Variants in GRIK3 observed in about 807,000 individuals in gnomAD.
The protein encoded by GRIK3 is glutamate receptor ionotropic, kainate 3.
A neutral mutation model predicts 102.5 loss-of-function variants in GRIK3; 29 were observed. The observed-to-expected ratio is 0.28, with a 90% CI of 0.21 to 0.39. GRIK3 has a LOEUF of 0.39. Among genes scored for constraint, GRIK3 ranks in the 10% least tolerant of loss-of-function variants. The pLI is 1.00. For missense variants in GRIK3, 908 were observed against 1,252.4 expected (o/e 0.73, Z 4.15); for synonymous variants, 511 against 504.9 (o/e 1.01, Z -0.16).
At chr1:36,988,811 T>C (rs1364926239) in intron 1 of GRIK3, among the ~76,000 whole-genome samples, 1 of 152,202 alleles carries the variant, frequency 6.6e-6, no homozygotes, top group African/African-American at 2.4e-5. Flanking sequence ...AAGAGAGTCC[T>C]TGACAACTCT....
chr1:36,853,500 G>C (rs894921408), intron 8 of GRIK3, 115 bp downstream of exon 8: 1 of 682,412 alleles, frequency 1.5e-6, no homozygotes, highest in East Asian at 2.6e-5. Context: ...AATCCCTGAG[G>C]GGCAGCTGGA....
intron 1 of GRIK3, among the ~76,000 whole-genome samples, chr1:36,967,466 A>G (rs1642092827): frequency 6.6e-6 from 1 of 152,274 alleles, no homozygotes; most frequent in Non-Finnish European, 1.5e-5. Context: ...ATGAGGGAGC[A>G]AGACTCATGG....
intron 1 of GRIK3, among the ~76,000 whole-genome samples, chr1:37,009,840 C>T (rs1264906197): frequency 6.6e-6 from 1 of 151,994 alleles, no homozygotes; most frequent in Non-Finnish European, 1.5e-5. Flanking sequence ...TGGCCCCTGG[C>T]TGACAGCGAC....
chr1:36,982,352 G>A (rs1032856660), intron 1 of GRIK3, among the ~76,000 whole-genome samples: 3 of 152,182 alleles, frequency 2.0e-5, no homozygotes, highest in South Asian at 2.1e-4. Flanking sequence ...TGGAGGAGGC[G>A]GCCCTGCTTG....
chr1:36,898,936 A>G (rs1356251887), intron 1 of GRIK3, among the ~76,000 whole-genome samples: 1 of 152,326 alleles, frequency 6.6e-6, no homozygotes, highest in South Asian at 2.1e-4. Flanking sequence ...TGGGGAAAGG[A>G]TAGTCTTTTC....
intron 5 of GRIK3, among the ~76,000 whole-genome samples, chr1:36,867,462 G>T (rs1455129644): frequency 6.6e-6 from 1 of 152,072 alleles, no homozygotes; most frequent in Non-Finnish European, 1.5e-5. Context: ...ATAGCTAAAT[G>T]CTCCCAGGGT....
intron 1 of GRIK3, among the ~76,000 whole-genome samples, chr1:36,972,567 C>A (rs545884786): frequency 6.6e-6 from 1 of 152,166 alleles, no homozygotes; most frequent in South Asian, 2.1e-4. Context: ...CACTCTTATT[C>A]CCCTTTCCCT....
chr1:36,868,574 G>A (rs1355849093), intron 5 of GRIK3, among the ~76,000 whole-genome samples: 5 of 152,180 alleles, frequency 3.3e-5, no homozygotes, highest in African/African-American at 9.7e-5. Context: ...TTGTGTAAGC[G>A]TTCCCGTCAC....
Position 36,806,388 on chromosome 1 carries a change from C to A in GRIK3, c.2092-62G>T. 2.0e-6 allele frequency: 2 copies of A among 1,019,310 alleles called. No individual in the cohort carries two copies. 63.1% of individuals were successfully genotyped at this position (1,019,310 alleles called of 1,614,324 possible). A position where few individuals can be genotyped will look rare whatever the true frequency, so the allele number is the denominator to read the frequency against. On this transcript the variant is annotated intron_variant, in intron 13 of 15. Coordinates refer to ENST00000373091, the MANE Select transcript of GRIK3 (RefSeq NM_000831.4). This position sits in a 1 kb window ranked among gnomAD's most constrained non-coding sequence, Gnocchi z 4.0. ...ACTAGGCGCACCAGGGACCAAGCAC[C>A]GCATACCCTGCACAACGTGGGTTGG...
At chr1:36,933,855 G>T (rs1641623859) in intron 1 of GRIK3, among the ~76,000 whole-genome samples, 1 of 152,146 alleles carries the variant, frequency 6.6e-6, no homozygotes, top group African/African-American at 2.4e-5. Flanking sequence ...GAACCTCACT[G>T]CCCTCTCTTC....
chr1:37,000,135 T>C (rs1016756165), intron 1 of GRIK3, among the ~76,000 whole-genome samples: 22 of 152,246 alleles, frequency 1.4e-4, no homozygotes, highest in African/African-American at 4.8e-4. Context: ...GTTCCCTCCC[T>C]AATGCCTGGA....
intron 1 of GRIK3, among the ~76,000 whole-genome samples, chr1:36,918,439 C>A (rs114920495): frequency 6.6e-6 from 1 of 152,216 alleles, no homozygotes; most frequent in Non-Finnish European, 1.5e-5. Flanking sequence ...TTGCTCATGA[C>A]ATTACATTTA....
intron 5 of GRIK3, among the ~76,000 whole-genome samples, chr1:36,863,443 T>G (rs1272116194): frequency 6.6e-6 from 1 of 152,138 alleles, no homozygotes; most frequent in Non-Finnish European, 1.5e-5. Flanking sequence ...TTTCCAAAGC[T>G]CTCCACCCCT....
At chr1:36,909,522 A>T (rs1486235816) in intron 1 of GRIK3, among the ~76,000 whole-genome samples, 1 of 152,110 alleles carries the variant, frequency 6.6e-6, no homozygotes, top group Admixed American at 6.5e-5. Context: ...GCTGATTTCG[A>T]ACTCTTGACC....
At chr1:36,949,207 C>A (rs1481691578) in intron 1 of GRIK3, among the ~76,000 whole-genome samples, 1 of 152,234 alleles carries the variant, frequency 6.6e-6, no homozygotes, top group Non-Finnish European at 1.5e-5. Context: ...TGGTTCCTTT[C>A]TCAACTTCAT....
At chr1:36,887,518 A>T (rs1265038280) in intron 2 of GRIK3, among the ~76,000 whole-genome samples, 1 of 152,008 alleles carries the variant, frequency 6.6e-6, no homozygotes, top group Non-Finnish European at 1.5e-5. Context: ...GCACTTTAGG[A>T]GGCTGAGGTG....
At chr1:36,912,453 G>T (rs1276881235) in intron 1 of GRIK3, among the ~76,000 whole-genome samples, 2 of 151,636 alleles carry the variant, frequency 1.3e-5, no homozygotes, top group Non-Finnish European at 2.9e-5. Context: ...TGCCCACAGT[G>T]TAACCCACCT....
chr1:36,856,389 C>T (rs557005914), intron 7 of GRIK3, among the ~76,000 whole-genome samples: 94 of 152,346 alleles, frequency 6.2e-4, no homozygotes, highest in Non-Finnish European at 1.2e-3. Context: ...CTGCGCTGCC[C>T]GCCCCCTCTA....
At chr1:37,024,013 T>C (rs1451777065) in intron 1 of GRIK3, among the ~76,000 whole-genome samples, 1 of 152,216 alleles carries the variant, frequency 6.6e-6, no homozygotes, top group East Asian at 1.9e-4. Context: ...AGAAAAGTTA[T>C]AGATCAGCAG....
Sources: allele counts gnomAD v4.1 joint callset (sites outside exome capture counted in the v4.1 genomes callset), GRCh38; gene constraint gnomAD v4.1.1; non-coding constraint Gnocchi (gnomAD v3.1); transcripts MANE v1.5; gene names NCBI Gene and HGNC (gene_info 2026-07-23, HGNC 2026-07-21).